The following GLB1 variants were observed in gnomAD, a reference collection of about 807,000 sequenced individuals.
GLB1 encodes the protein galactosidase beta 1.
In GLB1, 56 loss-of-function variants were observed where a neutral mutation model predicts 74.0. The observed-to-expected ratio is 0.76, with a 90% CI of 0.61 to 0.94. GLB1 has a LOEUF of 0.94. Among genes scored for constraint, GLB1 ranks in the 40% least tolerant of loss-of-function variants. The pLI is 0.00. For missense variants in GLB1, 787 were observed against 845.5 expected, an observed-to-expected ratio of 0.93 and a Z score of 0.86; for synonymous variants, 323 against 323.6, an observed-to-expected ratio of 1.00 and a Z score of 0.02.
intron 10 of GLB1, chr3:33,030,301 C>G (rs1018881184): frequency 4.3e-4 from 72 of 167,482 alleles, no homozygotes; most frequent in Non-Finnish European, 7.1e-4. Context: ...TGATCTTAGC[C>G]AAAAGACTGA....
intron 10 of GLB1, chr3:33,045,696 T>C: frequency 4.7e-6 from 5 of 1,058,722 alleles, no homozygotes; most frequent in Non-Finnish European, 5.7e-6. Flanking sequence ...CATATATCCA[T>C]GCTGCCTTAA....
At chr3:33,006,170 G>T (rs35570272) in intron 15 of GLB1, among the ~76,000 whole-genome samples, 55,616 of 151,890 alleles carry the variant, frequency 0.37, 10,757 homozygotes, top group East Asian at 0.49. Context: ...TATAGCAGGG[G>T]TCCCCAAACC....
chr3:33,028,586 T>C (rs934602502), intron 10 of GLB1, among the ~76,000 whole-genome samples: 2 of 152,140 alleles, frequency 1.3e-5, no homozygotes, highest in African/African-American at 4.8e-5. Context: ...GGTCAAAGGA[T>C]ATGAGTATAA....
At chr3:33,069,548 A>G (rs1186913324) in intron 2 of GLB1, among the ~76,000 whole-genome samples, 1 of 152,152 alleles carries the variant, frequency 6.6e-6, no homozygotes, top group Non-Finnish European at 1.5e-5. Context: ...ACTATTTACT[A>G]TTGATTAAGG....
At chr3:33,062,309 G>A (rs559875168) in intron 5 of GLB1, among the ~76,000 whole-genome samples, 39 of 152,022 alleles carry the variant, frequency 2.6e-4, no homozygotes, top group Non-Finnish European at 4.7e-4. Context: ...CTGGGAACAC[G>A]GGTGCATGGC....
intron 1 of GLB1, among the ~76,000 whole-genome samples, chr3:33,095,700 C>A (rs1700995115): frequency 6.6e-6 from 1 of 152,170 alleles, no homozygotes; most frequent in African/African-American, 2.4e-5. Context: ...GTTCATAAAT[C>A]CTTCTCTCTC....
chr3:33,030,427 CTATT>C (rs1697957928), intron 10 of GLB1: 7 of 898,598 alleles, frequency 7.8e-6, no homozygotes, highest in Non-Finnish European at 9.3e-6. Context: ...CTTTAAAAGA[CTATT>C]TAACAGTTGC....
chr3:33,033,778 CAAAAAAAAA>C, intron 10 of GLB1: 1 of 179,810 alleles, frequency 5.6e-6, no homozygotes, highest in Non-Finnish European at 1.0e-5. Flanking sequence ...GAGACTGTCT[CAAAAAAAAA>C]AAAAAAAAAA....
At chr3:33,028,894 T>C (rs185718439) in intron 10 of GLB1, among the ~76,000 whole-genome samples, 3,360 of 152,230 alleles carry the variant, frequency 0.022, 125 homozygotes, top group African/African-American at 0.075. Context: ...CTCAAACTCC[T>C]GACCTCAGGT....
intron 10 of GLB1, chr3:33,045,189 G>T: frequency 2.9e-6 from 1 of 343,828 alleles, no homozygotes; most frequent in Non-Finnish European, 4.1e-6. Flanking sequence ...ACCAGATGCT[G>T]TAATCCCAGT....
intron 4 of GLB1, among the ~76,000 whole-genome samples, chr3:33,067,394 G>C (rs1326243079): frequency 1.3e-5 from 2 of 148,592 alleles, no homozygotes; most frequent in Non-Finnish European, 2.9e-5. Flanking sequence ...AACCTCCCAG[G>C]CTCAAGCAAT....
intron 4 of GLB1, among the ~76,000 whole-genome samples, chr3:33,067,892 T>C (rs1699749403): frequency 6.6e-6 from 1 of 152,156 alleles, no homozygotes; most frequent in African/African-American, 2.4e-5. Context: ...TTTTTGTTTG[T>C]TTGTTTGTTT....
At chr3:32,997,565 G>A (rs1263076910) in intron 15 of GLB1, among the ~76,000 whole-genome samples, 1 of 152,036 alleles carries the variant, frequency 6.6e-6, no homozygotes, top group Non-Finnish European at 1.5e-5. Context: ...ACCTTCTTTG[G>A]GGCAACAAAA....
At chr3:33,017,901 G>C (rs1697299658) in intron 13 of GLB1, among the ~76,000 whole-genome samples, 1 of 152,114 alleles carries the variant, frequency 6.6e-6, no homozygotes, top group African/African-American at 2.4e-5. Flanking sequence ...ACAGCCCTCT[G>C]GGTTAAGATG....
intron 6 of GLB1, among the ~76,000 whole-genome samples, chr3:33,054,997 C>T (rs1406391530): frequency 6.6e-6 from 1 of 152,254 alleles, no homozygotes; most frequent in Non-Finnish European, 1.5e-5. Flanking sequence ...GGGCCTTTGG[C>T]TTCTCTGTAA....
At chr3:33,091,445 G>C (rs531941264) in intron 1 of GLB1, 1 of 985,512 alleles carries the variant, frequency 1.0e-6, no homozygotes, top group South Asian at 4.7e-5. Context: ...CAGGCAGCTC[G>C]CTACCCACTC....
intron 1 of GLB1, chr3:33,092,437 T>G (rs1387959514): frequency 2.1e-5 from 21 of 1,002,902 alleles, no homozygotes; most frequent in Non-Finnish European, 2.4e-5. Flanking sequence ...AAGACAATTT[T>G]AAAACACCAG....
At chr3:33,090,575 A>G in intron 1 of GLB1, 1 of 985,486 alleles carries the variant, frequency 1.0e-6, no homozygotes, top group South Asian at 4.7e-5. Flanking sequence ...AGAATGATCA[A>G]GCTTCAAGTA....
At chr3:33,077,283 G>A (rs776820931) in intron 1 of GLB1, 550 of 1,573,152 alleles carry the variant, frequency 3.5e-4, no homozygotes, top group Non-Finnish European at 4.5e-4. Context: ...GGGCAGGAGG[G>A]TTCTGTGGTG....
Sources: gnomAD v4.1 joint callset for allele counts (sites outside exome capture counted in the v4.1 genomes callset) on GRCh38, gnomAD v4.1.1 for gene constraint, MANE v1.5 for transcripts, NCBI Gene and HGNC (gene_info 2026-07-23, HGNC 2026-07-21) for gene names.